The following NRG1 variants were observed in gnomAD, a reference collection of about 807,000 sequenced individuals.
NRG1 encodes the protein pro-neuregulin-1, membrane-bound isoform.
In NRG1, 18 loss-of-function variants were observed where a neutral mutation model predicts 63.8. The observed-to-expected ratio is 0.28, with a 90% CI of 0.19 to 0.42. The LOEUF (loss-of-function observed/expected upper bound fraction) is 0.42, where lower values mean the gene tolerates loss of function less well. NRG1 is among the 10% of genes least tolerant of loss of function. The pLI is 1.00. For missense variants in NRG1, 762 were observed against 814.7 expected (o/e 0.94, Z 0.79); for synonymous variants, 302 against 301.3 (o/e 1.00, Z -0.02).
At position 31,778,091 on chromosome 8, in the gene NRG1, C is replaced by T. The variant is rs1049226136; in HGVS notation, c.37+138660C>T. 9.8e-5 allele frequency among the ~76,000 whole-genome samples: 15 copies of T among 152,292 alleles called. 1 individual carries two copies. The highest frequency in any genetic ancestry group is 7.8e-4 in the Admixed American group (12 of 15,296). ...ACGATTGGTTAAAACTTCATCAGAACCATCCACATTGGAAATCACATCTAA... is the reference window on the plus strand; with the variant it reads ...ACGATTGGTTAAAACTTCATCAGAATCATCCACATTGGAAATCACATCTAA... On this transcript the variant is annotated intron_variant, in intron 1 of 10. Coordinates refer to the NRG1 transcript ENST00000519301.
At chr8:32,153,420 T>C (rs1837719490) in intron 1 of NRG1, among the ~76,000 whole-genome samples, 1 of 152,122 alleles carries the variant, frequency 6.6e-6, no homozygotes. Flanking sequence ...GTTGTCCCCT[T>C]GAGGAAGAAT....
At chr8:31,828,693 A>G (rs1430201162) in intron 1 of NRG1, among the ~76,000 whole-genome samples, 1 of 152,072 alleles carries the variant, frequency 6.6e-6, no homozygotes, top group Non-Finnish European at 1.5e-5. Flanking sequence ...TACGTTATAT[A>G]CCCATGATAT....
intron 1 of NRG1, among the ~76,000 whole-genome samples, chr8:32,150,761 C>T (rs1362086600): frequency 3.9e-5 from 6 of 152,206 alleles, no homozygotes; most frequent in Non-Finnish European, 8.8e-5. Flanking sequence ...TCGACCTTCA[C>T]TTTCAGCACA....
chr8:32,223,798 C>T lies in NRG1; in HGVS notation c.38-372030C>T, dbSNP rs531135372. On this transcript the variant is annotated intron_variant, in intron 1 of 10. Transcript: ENST00000519301. The stretch of plus-strand genomic sequence containing the variant: ...GAAGTTAGAGAAGGGAAGGGAGGCC[C>T]GTAGCGGAAAATTATGGGTTATAAA... Among the ~76,000 whole-genome samples the T allele has an allele frequency of 5.3e-4, 81 of 152,008 alleles. 1 individual carries two copies. The highest frequency in any genetic ancestry group is 6.8e-3 in the Middle Eastern group (2 of 294).
intron 3 of NRG1, among the ~76,000 whole-genome samples, chr8:32,609,649 CT>C (rs1846008778): frequency 7.7e-6 from 1 of 130,082 alleles, no homozygotes; most frequent in Non-Finnish European, 1.6e-5. Flanking sequence ...CTGTCTGTCT[CT>C]CTCTCTCTTT....
intron 1 of NRG1, among the ~76,000 whole-genome samples, chr8:32,217,778 C>T (rs1845395908): frequency 6.6e-6 from 1 of 152,140 alleles, no homozygotes; most frequent in African/African-American, 2.4e-5. Flanking sequence ...ATATGTCAGC[C>T]AGTATTCTAG....
At chr8:32,411,328 G>A (rs1297170446) in intron 1 of NRG1, among the ~76,000 whole-genome samples, 2 of 152,208 alleles carry the variant, frequency 1.3e-5, no homozygotes, top group East Asian at 1.9e-4. Flanking sequence ...ACTTAACGGT[G>A]TGGGACACAA....
intron 1 of NRG1, among the ~76,000 whole-genome samples, chr8:32,408,961 T>C (rs1476347226): frequency 2.0e-5 from 3 of 152,166 alleles, no homozygotes; most frequent in African/African-American, 7.2e-5. Context: ...CATTATTTAG[T>C]TCTTACTTAT....
At chr8:31,875,892 G>C (rs1829875096) in intron 1 of NRG1, among the ~76,000 whole-genome samples, 1 of 152,156 alleles carries the variant, frequency 6.6e-6, no homozygotes. Flanking sequence ...AAGTTGCTGT[G>C]TTTCCGGGAG....
intron 1 of NRG1, among the ~76,000 whole-genome samples, chr8:32,494,187 C>T (rs1396853243): frequency 1.3e-5 from 2 of 152,138 alleles, no homozygotes; most frequent in African/African-American, 4.8e-5. Flanking sequence ...ATAAGCATCC[C>T]TTTAAAATTT....
At chr8:32,558,534 C>T (rs1186189763) in intron 1 of NRG1, among the ~76,000 whole-genome samples, 1 of 152,130 alleles carries the variant, frequency 6.6e-6, no homozygotes, top group Non-Finnish European at 1.5e-5. Flanking sequence ...TGGTGGCAAC[C>T]ATCTAACAGG....
chr8:32,748,324 T>TAC (rs1827882721), intron 7 of NRG1, among the ~76,000 whole-genome samples: 2 of 128,964 alleles, frequency 1.6e-5, no homozygotes, highest in South Asian at 2.6e-4. Flanking sequence ...TAGGCGCATG[T>TAC]ACACGCGCGC....
At chr8:32,435,886 T>A (rs1045643248) in intron 1 of NRG1, among the ~76,000 whole-genome samples, 1 of 152,158 alleles carries the variant, frequency 6.6e-6, no homozygotes, top group African/African-American at 2.4e-5. Context: ...TGCCAGTACT[T>A]CTATAGTAAG....
chr8:31,859,801 T>G (rs1828300279), intron 1 of NRG1, among the ~76,000 whole-genome samples: 1 of 152,260 alleles, frequency 6.6e-6, no homozygotes, highest in Admixed American at 6.5e-5. Flanking sequence ...TAGCCTTTTA[T>G]AACATTACCT....
rs544003709 is a variant in NRG1, at chr8:32,018,629, C to T, written c.37+379198C>T. ...GTACTTTATCTTCTTTTATATTCCA[C>T]TAAATGTATGAAATGTATGTTGTTT... On this transcript the variant is annotated intron_variant, in intron 1 of 10. Coordinates refer to the NRG1 transcript ENST00000519301. Among the ~76,000 whole-genome samples, 11 of 152,248 alleles carry T rather than the reference C, an allele frequency of 7.2e-5. 1 individual carries two copies. The highest frequency in any genetic ancestry group is 2.6e-4 in the African/African-American group (11 of 41,548).
chr8:31,696,122 C>T (rs1810036225), intron 1 of NRG1, among the ~76,000 whole-genome samples: 2 of 152,184 alleles, frequency 1.3e-5, no homozygotes, highest in Admixed American at 1.3e-4. Context: ...GGCTGGAGTG[C>T]AGTGGTGCTA....
intron 1 of NRG1, among the ~76,000 whole-genome samples, chr8:31,708,321 G>A (rs1811355763): frequency 1.3e-5 from 2 of 152,130 alleles, no homozygotes; most frequent in Non-Finnish European, 2.9e-5. Context: ...AGGACAACAA[G>A]GCCTTCAGGG....
chr8:32,044,300 G>C (rs898742627), intron 1 of NRG1, among the ~76,000 whole-genome samples: 7 of 151,706 alleles, frequency 4.6e-5, no homozygotes, highest in Non-Finnish European at 8.9e-5. Context: ...ATCAAAATAC[G>C]TGAAGTAGAA....
chr8:32,577,747 T>A (rs1349543104), intron 1 of NRG1, among the ~76,000 whole-genome samples: 1 of 152,150 alleles, frequency 6.6e-6, no homozygotes, highest in Non-Finnish European at 1.5e-5. Flanking sequence ...GGACATTTTC[T>A]TCTAGCAGAA....
Sources: gnomAD v4.1 joint callset for allele counts (sites outside exome capture counted in the v4.1 genomes callset) on GRCh38, gnomAD v4.1.1 for gene constraint, MANE v1.5 for transcripts, NCBI Gene and HGNC (gene_info 2026-07-23, HGNC 2026-07-21) for gene names.